SPAG1: variants seen among roughly 807,000 people sequenced by gnomAD.
SPAG1 encodes the protein sperm associated antigen 1.
Under a neutral mutation model 100.5 loss-of-function variants are expected in SPAG1, and 69 were observed. The observed-to-expected ratio is 0.69, with a 90% confidence interval of 0.57 to 0.84. SPAG1 has a LOEUF of 0.84. SPAG1 is among the 40% of genes least tolerant of loss of function. SPAG1 has a pLI of 0.00. For synonymous variants in SPAG1, 336 were observed against 411.6 expected (o/e 0.82, Z 2.22); for missense variants, 955 against 1,133.1 (o/e 0.84, Z 2.26).
At chr8:100,162,231 A>T (rs1470100377) in intron 1 of SPAG1, 48 bp from the exon 2 acceptor site, 1 of 1,392,590 alleles carries the variant, frequency 7.2e-7, no homozygotes, top group Non-Finnish European at 9.8e-7. Context: ...ATCCAAATTG[A>T]GTATTATTTA....
In SPAG1 at chr8:100,194,256, G is replaced by A. The variant is rs755866717; in HGVS notation, c.1084G>A (p.Gly362Ser). The A allele has an allele frequency of 5.3e-5, 85 of 1,607,300 alleles. No individual in the cohort carries two copies. The highest frequency in any genetic ancestry group is 1.1e-4 in the African/African-American group (8 of 74,784). The change falls in exon 10 of 19, where the codon GGT (glycine) becomes AGT (serine). Residue 362 changes from glycine (G) to serine (S), a missense_variant. Gly to Ser is a moderately conservative substitution (Grantham distance 56, BLOSUM62 0). Coordinates refer to ENST00000388798, the MANE Select transcript of SPAG1 (RefSeq NM_003114.5). ...AAGCGGAAGAAAACATGAAGATGGC[G>A]GTGGAGATAAGAGTAAAATATTTTT... is the stretch of plus-strand genomic sequence containing the variant. ...GKSGRKHEDG[G>S]GDKKPAEPAG...
At chr8:100,172,492 T>C (rs1815905697) in intron 3 of SPAG1, among the ~76,000 whole-genome samples, 1 of 151,994 alleles carries the variant, frequency 6.6e-6, no homozygotes, top group African/African-American at 2.4e-5. Context: ...TGGTGGTGCA[T>C]GCCTGTAATC....
chr8:100,214,361 T>G (rs1448514128), intron 12 of SPAG1, among the ~76,000 whole-genome samples: 1 of 152,234 alleles, frequency 6.6e-6, no homozygotes, highest in African/African-American at 2.4e-5. Context: ...CTGGACCACT[T>G]GCTTACTCTC....
intron 1 of SPAG1, among the ~76,000 whole-genome samples, chr8:100,161,800 T>G (rs1336549776): frequency 2.6e-5 from 4 of 152,320 alleles, no homozygotes; most frequent in African/African-American, 9.6e-5. Context: ...TAGATATAGA[T>G]TAAAAGAAGT....
intron 13 of SPAG1, among the ~76,000 whole-genome samples, chr8:100,222,315 T>C (rs147634986): frequency 8.9e-4 from 135 of 152,314 alleles, no homozygotes; most frequent in Non-Finnish European, 1.5e-3. Flanking sequence ...GTTTTCACGT[T>C]TGCTGTCTCC....
At chr8:100,176,952 T>A (rs1224069965) in intron 3 of SPAG1, among the ~76,000 whole-genome samples, 2 of 150,650 alleles carry the variant, frequency 1.3e-5, no homozygotes, top group Non-Finnish European at 3.0e-5. Flanking sequence ...TCCTTCTTTT[T>A]TTCGTTTCTT....
In SPAG1 at chr8:100,241,226, A is replaced by G; in HGVS notation, c.*204A>G. ...AGTTGTAAATATTTTCTTATGTACC[A>G]GAACCAAATAAGTATATTTAGAACT... On this transcript the variant is annotated 3_prime_UTR_variant, in exon 19 of 19. Coordinates refer to ENST00000388798, the MANE Select transcript of SPAG1 (RefSeq NM_003114.5). The surrounding 1 kb of genome is among the most constrained non-coding windows in gnomAD (Gnocchi z 5.1). 2.5e-6 allele frequency: 1 copy of G among 394,722 alleles called. No individual in the cohort carries two copies. The highest frequency in any genetic ancestry group is 4.5e-6 in the Non-Finnish European group (1 of 224,336). 24.5% of individuals were successfully genotyped at this position (394,722 alleles called of 1,614,324 possible).
chr8:100,194,223 G>A lies in SPAG1; in HGVS notation c.1051G>A (p.Glu351Lys). The change falls in exon 10 of 19, where the codon GAA becomes AAA. Residue 351 changes from glutamate (E) to lysine (K), a missense_variant. By Grantham distance (56) the Glu-to-Lys change is moderately conservative. Transcript: ENST00000388798. Reference protein sequence around the residue: ...IQEIENSEDEEGKSGRKHEDG... With the variant: ...IQEIENSEDEKGKSGRKHEDG... ...GGAAATAGAAAACTCCGAAGATGAA[G>A]AAGGAAAAAGCGGAAGAAAACATGA... 6.2e-7 allele frequency: 1 copy of A among 1,605,288 alleles called. No homozygotes were observed.
At chr8:100,192,121 G>A (rs1816842531) in intron 9 of SPAG1, among the ~76,000 whole-genome samples, 1 of 152,180 alleles carries the variant, frequency 6.6e-6, no homozygotes, top group Non-Finnish European at 1.5e-5. Flanking sequence ...GAGTGGCCCA[G>A]ATGGATGTTG....
chr8:100,185,409 A>G (rs1308754685), intron 7 of SPAG1, among the ~76,000 whole-genome samples: 5 of 152,018 alleles, frequency 3.3e-5, no homozygotes, highest in African/African-American at 1.2e-4. Context: ...TCACCTCCCA[A>G]TTTATAGGCT....
Position 100,183,963 on chromosome 8 carries a change from G to A in SPAG1, c.496G>A (p.Val166Met), listed in dbSNP as rs201503190. 116 of 1,496,234 alleles carry A rather than the reference G, an allele frequency of 7.8e-5. No homozygotes were observed. The highest frequency in any genetic ancestry group is 1.7e-4 in the Middle Eastern group (1 of 5,792). The allele number at this position is 1,496,234 out of a possible 1,614,324, so 92.7% of individuals were successfully genotyped here. A position where few individuals can be genotyped will look rare whatever the true frequency, so the allele number is the denominator to read the frequency against. Reference protein sequence around the residue: ...RDYAEWDKFDVEKECLKIDED... With the variant: ...RDYAEWDKFDMEKECLKIDED... ...ATTGTTCTTTCATTTAAGATTTGACGTGGAGAAGGAATGTTTAAAAATTGA... is the reference window on the plus strand; with the variant it reads ...ATTGTTCTTTCATTTAAGATTTGACATGGAGAAGGAATGTTTAAAAATTGA... The change falls in exon 6 of 19, where the codon GTG becomes ATG. Residue 166 changes from valine to methionine, a missense_variant. Transcript: ENST00000388798.
chr8:100,220,419 A>G lies in SPAG1; in HGVS notation c.1676A>G (p.Asp559Gly). ...QIDCGLQLAN[D>G]SVNRLSRILM... ...GACTGTGGACTCCAGCTAGCAAATGACAGTGTTAACAGGTAATTAATCTGA... is the reference window on the plus strand; with the variant it reads ...GACTGTGGACTCCAGCTAGCAAATGGCAGTGTTAACAGGTAATTAATCTGA... The change falls in exon 13 of 19, where the codon GAC (aspartate) becomes GGC (glycine). Residue 559 changes from aspartate (D) to glycine (G), a missense_variant. By Grantham distance (94) the Asp-to-Gly change is moderately conservative (BLOSUM62 -1). Transcript: ENST00000388798. 1 of 1,611,382 alleles carries G rather than the reference A, an allele frequency of 6.2e-7. No individual in the cohort carries two copies. Among genetic ancestry groups the G allele is most frequent in the Non-Finnish European group, 8.5e-7 (1 of 1,179,170 alleles).
At chr8:100,166,854 C>T (rs1042964385) in intron 3 of SPAG1, among the ~76,000 whole-genome samples, 5 of 152,132 alleles carry the variant, frequency 3.3e-5, no homozygotes, top group African/African-American at 1.2e-4. Flanking sequence ...CTGCCGTGAG[C>T]TGTGATGGTG....
chr8:100,189,147 C>T (rs1816705716), intron 8 of SPAG1, among the ~76,000 whole-genome samples: 1 of 146,848 alleles, frequency 6.8e-6, no homozygotes, highest in Non-Finnish European at 1.5e-5. Flanking sequence ...GCCTGGCAAA[C>T]ATGGCAAAAC....
At chr8:100,189,536 T>C (rs952986587) in intron 8 of SPAG1, among the ~76,000 whole-genome samples, 1 of 151,878 alleles carries the variant, frequency 6.6e-6, no homozygotes, top group Non-Finnish European at 1.5e-5. Context: ...GCACCTGTAG[T>C]CCCAGCTACT....
chr8:100,159,597 T>G (rs558557601), intron 1 of SPAG1, among the ~76,000 whole-genome samples: 1 of 152,352 alleles, frequency 6.6e-6, no homozygotes, highest in Non-Finnish European at 1.5e-5. Flanking sequence ...TGACCCACAA[T>G]AAGAAATATA....
At chr8:100,191,189 G>T (rs1358164479) in intron 8 of SPAG1, among the ~76,000 whole-genome samples, 1 of 152,092 alleles carries the variant, frequency 6.6e-6, no homozygotes, top group African/African-American at 2.4e-5. Context: ...TTATAGAGGG[G>T]ACAGCTGGCT....
chr8:100,223,722 C>T (rs1313466846), intron 13 of SPAG1, among the ~76,000 whole-genome samples: 2 of 151,876 alleles, frequency 1.3e-5, no homozygotes, highest in African/African-American at 4.8e-5. Context: ...CACATCATCT[C>T]TTTTCAGCTG....
intron 16 of SPAG1, among the ~76,000 whole-genome samples, chr8:100,235,243 T>C (rs998988154): frequency 2.6e-5 from 4 of 152,148 alleles, no homozygotes; most frequent in Admixed American, 6.5e-5. Context: ...GACACAGTCA[T>C]CTTGGACTAG....
Sources: gnomAD v4.1 joint callset for allele counts (sites outside exome capture counted in the v4.1 genomes callset) on GRCh38, gnomAD v4.1.1 for gene constraint, Gnocchi (gnomAD v3.1) non-coding constraint, MANE v1.5 for transcripts, NCBI Gene and HGNC (gene_info 2026-07-23, HGNC 2026-07-21) for gene names.